Variants in MAP2 observed in about 807,000 individuals in gnomAD.
MAP2 encodes the protein microtubule-associated protein 2.
MAP2 carries 14 observed loss-of-function variants against 137.6 expected under a neutral mutation model. The observed-to-expected ratio is 0.10, with a 90% CI of 0.07 to 0.16. The LOEUF is 0.16. Ranked by LOEUF, MAP2 falls within the 10% of genes least tolerant of loss-of-function variation. MAP2 has a pLI of 1.00. For missense variants in MAP2, 2,088 were observed against 2,191.5 expected (o/e 0.95, Z 0.94); for synonymous variants, 786 against 782.3 (o/e 1.00, Z -0.08).
chr2:209,688,589 C>A (rs2057866484), intron 7 of MAP2, among the ~76,000 whole-genome samples: 1 of 152,066 alleles, frequency 6.6e-6, no homozygotes, highest in Non-Finnish European at 1.5e-5. Flanking sequence ...TAGAGCTGGA[C>A]TAAAATGAAG....
At chr2:209,628,459 C>T (rs1300482532) in intron 4 of MAP2, among the ~76,000 whole-genome samples, 1 of 152,176 alleles carries the variant, frequency 6.6e-6, no homozygotes. Context: ...GTACCAAGCT[C>T]ATGCCTGTCC....
chr2:209,438,920 A>G (rs542954104), intron 1 of MAP2, among the ~76,000 whole-genome samples: 11 of 151,146 alleles, frequency 7.3e-5, no homozygotes, highest in Non-Finnish European at 1.5e-4. Flanking sequence ...ATATAATCTA[A>G]TAATAGAATA....
At chr2:209,597,350 A>T (rs2081549888) in intron 3 of MAP2, among the ~76,000 whole-genome samples, 1 of 152,200 alleles carries the variant, frequency 6.6e-6, no homozygotes, top group South Asian at 2.1e-4. Context: ...AATCACTTTT[A>T]TATTAAAATT....
intron 2 of MAP2, among the ~76,000 whole-genome samples, chr2:209,530,318 A>G (rs1475464535): frequency 6.6e-6 from 1 of 152,174 alleles, no homozygotes; most frequent in Non-Finnish European, 1.5e-5. Context: ...TATATAGATG[A>G]TATGTAGTCA....
intron 4 of MAP2, among the ~76,000 whole-genome samples, chr2:209,633,383 C>T (rs1051241647): frequency 6.6e-5 from 10 of 152,058 alleles, no homozygotes; most frequent in Admixed American, 1.3e-4. Context: ...ATCATCTTGG[C>T]GTGTCATTAT....
intron 3 of MAP2, among the ~76,000 whole-genome samples, chr2:209,586,955 G>T (rs1389987481): frequency 6.6e-6 from 1 of 152,078 alleles, no homozygotes; most frequent in Non-Finnish European, 1.5e-5. Context: ...GTCTACTCCC[G>T]AGTTTTTAAA....
chr2:209,689,860 C>A (rs138572051), intron 7 of MAP2, among the ~76,000 whole-genome samples: 71 of 152,206 alleles, frequency 4.7e-4, no homozygotes, highest in Middle Eastern at 3.4e-3. Context: ...TAAATTTAAC[C>A]TTGACCTTGT....
intron 1 of MAP2, among the ~76,000 whole-genome samples, chr2:209,495,936 A>G (rs1014515498): frequency 1.3e-5 from 2 of 152,152 alleles, no homozygotes; most frequent in African/African-American, 4.8e-5. Flanking sequence ...TTTTATGTTC[A>G]GTGTTGTGAC....
At chr2:209,628,456 G>A (rs1464647536) in intron 4 of MAP2, among the ~76,000 whole-genome samples, 1 of 152,108 alleles carries the variant, frequency 6.6e-6, no homozygotes, top group African/African-American at 2.4e-5. Context: ...ACAGTACCAA[G>A]CTCATGCCTG....
rs187703494 is a variant in MAP2, at chr2:209,643,447, A to G, written c.-29-9695A>G. Reference sequence around the variant, plus strand: ...AGTGATCTAGATACTAAATAATTCAATTACTTCTTTGAGAGCTTTACAAAT... The same window carrying G: ...AGTGATCTAGATACTAAATAATTCAGTTACTTCTTTGAGAGCTTTACAAAT... On this transcript the variant is annotated intron_variant, in intron 4 of 15. Coordinates refer to ENST00000682079, the MANE Select transcript of MAP2 (RefSeq NM_001375505.1). Among the ~76,000 whole-genome samples the G allele has an allele frequency of 3.2e-3, 481 of 152,252 alleles. 3 individuals are homozygous for G. The highest frequency in any genetic ancestry group is 5.3e-3 in the Non-Finnish European group (358 of 68,004).
chr2:209,594,489 C>A (rs934869259), intron 3 of MAP2, among the ~76,000 whole-genome samples: 4 of 152,074 alleles, frequency 2.6e-5, no homozygotes, highest in African/African-American at 9.7e-5. Flanking sequence ...CTTCAGGGTC[C>A]TACTATTAAC....
chr2:209,464,025 A>G (rs1274603490), intron 1 of MAP2, among the ~76,000 whole-genome samples: 4 of 152,152 alleles, frequency 2.6e-5, no homozygotes, highest in African/African-American at 7.2e-5. Context: ...AGGTGTTCAA[A>G]TCACAGAGTT....
chr2:209,458,077 A>T (rs892303983), intron 1 of MAP2, among the ~76,000 whole-genome samples: 12 of 148,826 alleles, frequency 8.1e-5, no homozygotes, highest in Non-Finnish European at 3.0e-5. Context: ...TAAGTAGGTA[A>T]TTTTTTTTTT....
intron 1 of MAP2, among the ~76,000 whole-genome samples, chr2:209,449,603 C>A (rs934315001): frequency 2.0e-5 from 3 of 151,952 alleles, no homozygotes; most frequent in Admixed American, 2.0e-4. Flanking sequence ...GCAAATTAAG[C>A]ATAAAATAAA....
intron 1 of MAP2, among the ~76,000 whole-genome samples, chr2:209,426,044 G>A (rs1692483465): frequency 6.6e-6 from 1 of 152,136 alleles, no homozygotes; most frequent in African/African-American, 2.4e-5. Context: ...ATTTGTGTGT[G>A]TATGTTTATG....
At chr2:209,448,418 T>C (rs1013043074) in intron 1 of MAP2, among the ~76,000 whole-genome samples, 3 of 152,142 alleles carry the variant, frequency 2.0e-5, no homozygotes, top group African/African-American at 7.2e-5. Flanking sequence ...CAGAACAACA[T>C]ACCTGGACTA....
Position 209,695,810 on chromosome 2 carries a change from C to T in MAP2, c.3640C>T (p.Pro1214Ser). The change falls in exon 8 of 16, where the codon CCT becomes TCT. Residue 1214 changes from proline to serine, a missense_variant. Physicochemically the swap from Pro to Ser is moderately conservative, Grantham distance 74. Around this residue, in one of 6 missense-constraint regions of MAP2, gnomAD observed 591 missense variants for 642.6 expected, o/e 0.92. Transcript: ENST00000682079. ...SKETPDISIT[P>S]SDVAEPLHET... ...AGAGACCCCAGATATATCCATCACG[C>T]CTTCTGATGTTGCAGAGCCATTGCA... 2 of 1,614,016 alleles carry T rather than the reference C, an allele frequency of 1.2e-6. No individual in the cohort carries two copies. The highest frequency in any genetic ancestry group is 1.7e-6 in the Non-Finnish European group (2 of 1,179,960).
intron 12 of MAP2, among the ~76,000 whole-genome samples, chr2:209,708,409 C>T (rs949874311): frequency 6.6e-6 from 1 of 152,140 alleles, no homozygotes; most frequent in African/African-American, 2.4e-5. Flanking sequence ...AGGGCACTTT[C>T]ATTTGATACT....
intron 12 of MAP2, 132 bp downstream of exon 12, chr2:209,705,859 T>G (rs2063242313): frequency 1.2e-5 from 10 of 813,450 alleles, no homozygotes; most frequent in Non-Finnish European, 1.8e-5. Flanking sequence ...GCCATAAGGA[T>G]CAGAAAATCC....
Sources: allele counts gnomAD v4.1 joint callset (sites outside exome capture counted in the v4.1 genomes callset), GRCh38; gene constraint gnomAD v4.1.1; regional missense constraint gnomAD v4.1.1; transcripts MANE v1.5; gene names NCBI Gene and HGNC (gene_info 2026-07-23, HGNC 2026-07-21).